Variants in CNTN4 observed in about 807,000 individuals in gnomAD.
CNTN4 encodes contactin-4.
CNTN4 carries 77 observed loss-of-function variants against 122.5 expected under a neutral mutation model. That is an observed-to-expected ratio of 0.63 (90% CI 0.52 to 0.76). CNTN4 has a LOEUF of 0.76. Among genes scored for constraint, CNTN4 ranks in the 30% least tolerant of loss-of-function variants. The pLI is 0.00. For missense variants in CNTN4, 1,256 were observed against 1,259.1 expected, an observed-to-expected ratio of 1.00 and a Z score of 0.04; for synonymous variants, 512 against 447.0, an observed-to-expected ratio of 1.15 and a Z score of -1.83.
chr3:2,858,725 A>G (rs2093642647), intron 7 of CNTN4, among the ~76,000 whole-genome samples: 1 of 152,108 alleles, frequency 6.6e-6, no homozygotes, highest in Admixed American at 6.5e-5. Context: ...AAAAAGAAAA[A>G]GAAAAAGAAA....
intron 22 of CNTN4, 108 bp downstream of exon 22, chr3:3,043,271 G>A (rs1700328223): frequency 1.2e-5 from 13 of 1,071,768 alleles, no homozygotes; most frequent in Non-Finnish European, 1.7e-5. Flanking sequence ...TTAGTAGCAT[G>A]TGGATTCAAA....
chr3:3,019,701 T>C (rs1381145045), intron 14 of CNTN4, among the ~76,000 whole-genome samples: 1 of 149,832 alleles, frequency 6.7e-6, no homozygotes, highest in East Asian at 1.9e-4. Flanking sequence ...TGTGTGTCTG[T>C]GTGTGTGTGT....
intron 3 of CNTN4, among the ~76,000 whole-genome samples, chr3:2,449,093 T>C (rs1445299065): frequency 6.6e-6 from 1 of 152,184 alleles, no homozygotes; most frequent in African/African-American, 2.4e-5. Context: ...CATGCTAAGA[T>C]ATAAGGAAAA....
At chr3:2,590,526 T>C (rs1411225945) in intron 4 of CNTN4, among the ~76,000 whole-genome samples, 1 of 151,842 alleles carries the variant, frequency 6.6e-6, no homozygotes, top group East Asian at 1.9e-4. Flanking sequence ...TCTGCTTGGG[T>C]GGCTTACTGT....
chr3:2,909,306 A>G (rs1161451495), intron 12 of CNTN4, among the ~76,000 whole-genome samples: 1 of 152,208 alleles, frequency 6.6e-6, no homozygotes, highest in African/African-American at 2.4e-5. Flanking sequence ...GTTATTGATC[A>G]TATACGTACC....
chr3:2,152,161 G>C (rs1381342344), intron 2 of CNTN4, among the ~76,000 whole-genome samples: 1 of 152,270 alleles, frequency 6.6e-6, no homozygotes, highest in South Asian at 2.1e-4. Context: ...TGTCAGATGG[G>C]TATGTGGGAG....
At chr3:2,431,575 A>G (rs945021716) in intron 3 of CNTN4, among the ~76,000 whole-genome samples, 20 of 152,324 alleles carry the variant, frequency 1.3e-4, no homozygotes, top group Admixed American at 3.3e-4. Context: ...TGGAATAGAT[A>G]AGAGGAACCA....
At chr3:2,158,805 A>G (rs2035832716) in intron 2 of CNTN4, among the ~76,000 whole-genome samples, 1 of 152,222 alleles carries the variant, frequency 6.6e-6, no homozygotes. Context: ...TTCTGCAGAA[A>G]AGCATGGAGT....
At chr3:2,694,129 T>C (rs1449703181) in intron 4 of CNTN4, among the ~76,000 whole-genome samples, 1 of 152,160 alleles carries the variant, frequency 6.6e-6, no homozygotes, top group Non-Finnish European at 1.5e-5. Flanking sequence ...CCTCTCTCTT[T>C]AATGTCTACC....
intron 2 of CNTN4, among the ~76,000 whole-genome samples, chr3:2,191,051 C>T (rs774525270): frequency 1.3e-5 from 2 of 152,020 alleles, no homozygotes; most frequent in African/African-American, 2.4e-5. Context: ...AGAATCTCCT[C>T]TATCCTCATC....
intron 6 of CNTN4, among the ~76,000 whole-genome samples, chr3:2,783,351 A>G (rs1243138380): frequency 3.3e-5 from 5 of 152,174 alleles, no homozygotes; most frequent in Admixed American, 6.5e-5. Context: ...GTCTTGAAAA[A>G]GGTCACAGCA....
chr3:2,917,435 A>G (rs1026070862), intron 12 of CNTN4, among the ~76,000 whole-genome samples: 6 of 152,162 alleles, frequency 3.9e-5, no homozygotes, highest in African/African-American at 1.4e-4. Flanking sequence ...GAAGACTCAT[A>G]TGTATTACTT....
At chr3:2,804,644 A>C (rs139986215) in intron 6 of CNTN4, among the ~76,000 whole-genome samples, 21 of 152,290 alleles carry the variant, frequency 1.4e-4, no homozygotes, top group Admixed American at 2.6e-4. Context: ...AGGTGTGAGC[A>C]TTGCTCTTCT....
intron 6 of CNTN4, among the ~76,000 whole-genome samples, chr3:2,806,736 A>G (rs576247725): frequency 6.6e-6 from 1 of 152,334 alleles, no homozygotes; most frequent in African/African-American, 2.4e-5. Flanking sequence ...GTTATAAATA[A>G]GAAAGTACCA....
chr3:2,961,299 A>T (rs1040032199), intron 13 of CNTN4, among the ~76,000 whole-genome samples: 1 of 149,938 alleles, frequency 6.7e-6, no homozygotes, highest in African/African-American at 2.5e-5. Flanking sequence ...AGTCCCCCTC[A>T]TCACCCCAGC....
intron 4 of CNTN4, among the ~76,000 whole-genome samples, chr3:2,619,903 C>A (rs1249042851): frequency 6.6e-6 from 1 of 152,168 alleles, no homozygotes; most frequent in Non-Finnish European, 1.5e-5. Context: ...GACTTTAACC[C>A]TTTTCAGTTT....
intron 6 of CNTN4, among the ~76,000 whole-genome samples, chr3:2,785,467 A>AGTCCACTG (rs1336001665): frequency 3.9e-5 from 6 of 152,220 alleles, no homozygotes; most frequent in Non-Finnish European, 8.8e-5. Context: ...TACCTTGCTG[A>AGTCCACTG]GTCCACTGAT....
chr3:2,621,305 T>G (rs2081980997), intron 4 of CNTN4, among the ~76,000 whole-genome samples: 1 of 152,218 alleles, frequency 6.6e-6, no homozygotes, highest in Non-Finnish European at 1.5e-5. Flanking sequence ...TTCCACAAGT[T>G]TTATTCTAAT....
At chr3:2,143,111 G>A (rs1221353685) in intron 2 of CNTN4, among the ~76,000 whole-genome samples, 3 of 152,158 alleles carry the variant, frequency 2.0e-5, no homozygotes, top group African/African-American at 7.2e-5. Context: ...CTGTACTGCC[G>A]TGCAGCCTTG....
Sources: allele counts gnomAD v4.1 joint callset (sites outside exome capture counted in the v4.1 genomes callset), GRCh38; gene constraint gnomAD v4.1.1; transcripts MANE v1.5; gene names NCBI Gene and HGNC (gene_info 2026-07-23, HGNC 2026-07-21).